The following ATR variants were observed in gnomAD, a reference collection of about 807,000 sequenced individuals.
ATR encodes the protein serine/threonine-protein kinase ATR.
Under a neutral mutation model 305.3 loss-of-function variants are expected in ATR, and 142 were observed. The observed-to-expected ratio is 0.47, with a 90% CI of 0.41 to 0.53. The LOEUF (loss-of-function observed/expected upper bound fraction) is 0.53. Ranked by LOEUF, ATR falls within the 20% of genes least tolerant of loss-of-function variation. The pLI, the probability that ATR is intolerant of heterozygous loss-of-function variation, is 0.00. For synonymous variants in ATR, 1,050 were observed against 1,068.1 expected, an observed-to-expected ratio of 0.98 and a Z score of 0.33; for missense variants, 2,135 against 3,133.1, an observed-to-expected ratio of 0.68 and a Z score of 7.60.
intron 36 of ATR, among the ~76,000 whole-genome samples, chr3:142,471,444 G>A (rs1306369964): frequency 6.6e-6 from 1 of 152,120 alleles, no homozygotes; most frequent in Admixed American, 6.5e-5. Flanking sequence ...GACCCATAGA[G>A]ACAGTTTAAT....
At chr3:142,451,640 T>C (rs1171676200) in intron 46 of ATR, 1 of 1,240,540 alleles carries the variant, frequency 8.1e-7, no homozygotes. Flanking sequence ...AGTGCAGTGG[T>C]GTCATCATAG....
Position 142,474,915 on chromosome 3 carries a change from TA to T in ATR, c.6222-4733del, listed in dbSNP as rs910401078. Among the ~76,000 whole-genome samples the T allele has an allele frequency of 4.3e-4, 65 of 151,752 alleles. 1 individual carries two copies. The highest frequency in any genetic ancestry group is 1.0e-3 in the South Asian group (5 of 4,818). On this transcript the variant is annotated intron_variant, in intron 36 of 46. Transcript: ENST00000350721. ...ATTCCTTCTATACATATTTTTTTTT[TA>T]AAAAAAGTTTGTTTTTTTTTAAAAA...
intron 35 of ATR, 76 bp downstream of exon 35, chr3:142,493,056 G>C: frequency 6.7e-7 from 1 of 1,499,916 alleles, no homozygotes; most frequent in Non-Finnish European, 9.1e-7. Context: ...TTTTATACAT[G>C]TGCTTTGCCA....
chr3:142,508,827 G>C (rs2032391768), intron 27 of ATR, among the ~76,000 whole-genome samples: 1 of 151,688 alleles, frequency 6.6e-6, no homozygotes, highest in Admixed American at 6.6e-5. Flanking sequence ...GGGGGGCTGA[G>C]GCAGGAGAAT....
chr3:142,567,108 A>AT (rs1045749160), intron 2 of ATR, among the ~76,000 whole-genome samples: 4 of 152,206 alleles, frequency 2.6e-5, no homozygotes, highest in African/African-American at 9.7e-5. Context: ...CCATACATCT[A>AT]TTTATCAAAC....
At chr3:142,543,180 A>C (rs979264562) in intron 16 of ATR, among the ~76,000 whole-genome samples, 2 of 152,210 alleles carry the variant, frequency 1.3e-5, no homozygotes, top group African/African-American at 4.8e-5. Context: ...ACGATTAAGG[A>C]AAAGGTATTC....
At chr3:142,500,969 T>C (rs924584893) in intron 30 of ATR, among the ~76,000 whole-genome samples, 1 of 152,014 alleles carries the variant, frequency 6.6e-6, no homozygotes, top group African/African-American at 2.4e-5. Context: ...AAAGTACAAA[T>C]GGCAATCAGG....
intron 36 of ATR, among the ~76,000 whole-genome samples, chr3:142,478,586 T>A (rs1420097864): frequency 6.6e-6 from 1 of 152,184 alleles, no homozygotes; most frequent in Non-Finnish European, 1.5e-5. Flanking sequence ...GGTGGAGAGT[T>A]CTGTAGATGT....
At chr3:142,450,571 C>A in intron 46 of ATR, 2 of 1,607,494 alleles carry the variant, frequency 1.2e-6, no homozygotes, top group South Asian at 2.2e-5. Context: ...ACAAACTTCA[C>A]GTTACTTAAA....
At chr3:142,572,328 C>G (rs959345928) in intron 1 of ATR, among the ~76,000 whole-genome samples, 65 of 145,832 alleles carry the variant, frequency 4.5e-4, no homozygotes, top group Admixed American at 1.2e-3. Flanking sequence ...CTCGGTCTCC[C>G]AAAGTGCTGG....
At chr3:142,512,144 A>C in intron 27 of ATR, 116 bp downstream of exon 27, 1 of 967,410 alleles carries the variant, frequency 1.0e-6, no homozygotes, top group Non-Finnish European at 1.5e-6. Context: ...ACAATAAAAA[A>C]CATGAAGCAA....
intron 21 of ATR, among the ~76,000 whole-genome samples, chr3:142,534,071 G>T (rs965450767): frequency 6.6e-6 from 1 of 152,022 alleles, no homozygotes; most frequent in African/African-American, 2.4e-5. Flanking sequence ...AAACCTCTAT[G>T]CAAAGAGGAG....
At chr3:142,574,351 A>T (rs1362298003) in intron 1 of ATR, among the ~76,000 whole-genome samples, 1 of 151,060 alleles carries the variant, frequency 6.6e-6, no homozygotes, top group Non-Finnish European at 1.5e-5. Flanking sequence ...AGTCCCAGCT[A>T]CTTGGGAGGC....
rs766135269 is a variant in ATR, at chr3:142,535,047, T to C, written c.3945+33A>G. ...TCTTTAAGCCTCCAATCTTTCTTTG[T>C]TATACATTTTTAATTATATCATATT... is the stretch of plus-strand genomic sequence containing the variant. On this transcript the variant is annotated intron_variant, in intron 21 of 46. Transcript: ENST00000350721. 6 of 1,582,528 alleles carry C rather than the reference T, an allele frequency of 3.8e-6. No homozygotes were observed. In the South Asian group the frequency reaches 6.8e-5, roughly 18 times the overall value.
intron 34 of ATR, 44 bp downstream of exon 34, chr3:142,496,317 T>TACAC (rs767719163): frequency 4.5e-6 from 1 of 220,240 alleles, no homozygotes; most frequent in African/African-American, 3.5e-5. Flanking sequence ...TATATATATA[T>TACAC]ATATATATAT....
At chr3:142,560,221 T>G (rs771051445) in intron 6 of ATR, 42 bp downstream of exon 6, 1 of 1,578,110 alleles carries the variant, frequency 6.3e-7, no homozygotes, top group Non-Finnish European at 8.7e-7. Context: ...TCCAAGTTCA[T>G]TACAGGAAAC....
intron 46 of ATR, 33 bp from the exon 47 acceptor site, chr3:142,449,635 T>A: frequency 5.0e-6 from 8 of 1,603,322 alleles, no homozygotes; most frequent in African/African-American, 1.3e-5. Context: ...CAAAAACAGA[T>A]GTTAATAATT....
chr3:142,552,050 C>G (rs1041539125), intron 13 of ATR, among the ~76,000 whole-genome samples: 2 of 152,068 alleles, frequency 1.3e-5, no homozygotes, highest in Non-Finnish European at 2.9e-5. Flanking sequence ...AGCCAACGAA[C>G]ATGAAAAAAA....
chr3:142,499,642 T>C lies in ATR; in HGVS notation c.5365A>G (p.Asn1789Asp). 2 of 1,614,040 alleles carry C rather than the reference T, an allele frequency of 1.2e-6. No homozygotes were observed. The highest frequency in any genetic ancestry group is 8.5e-7 in the Non-Finnish European group (1 of 1,179,948). ...GTAATTTTACCTGCTGCCAAATAGT[T>C]TTCCACCAAATCCCACTGTGACAAT... Reference protein sequence around the residue: ...WKLSQWDLVENYLAADGKSTT... With the variant: ...WKLSQWDLVEDYLAADGKSTT... The change falls in exon 31 of 47, where the codon AAC becomes GAC. Residue 1789 changes from asparagine to aspartate, a missense_variant. Coordinates refer to ENST00000350721, the MANE Select transcript of ATR (RefSeq NM_001184.4).
Sources: gnomAD v4.1 joint callset for allele counts (sites outside exome capture counted in the v4.1 genomes callset) on GRCh38, gnomAD v4.1.1 for gene constraint, MANE v1.5 for transcripts, NCBI Gene and HGNC (gene_info 2026-07-23, HGNC 2026-07-21) for gene names.